NCOA3: variants seen among roughly 807,000 people sequenced by gnomAD.
NCOA3 encodes the protein nuclear receptor coactivator 3, also known as CBP-interacting protein.
NCOA3 carries 51 observed loss-of-function variants against 158.8 expected under a neutral mutation model. The observed-to-expected ratio is 0.32, with a 90% CI of 0.26 to 0.41. NCOA3 has a LOEUF of 0.41. Among genes scored for constraint, NCOA3 ranks in the 10% least tolerant of loss-of-function variants. NCOA3 has a pLI of 1.00. For synonymous variants in NCOA3, 537 were observed against 592.4 expected (o/e 0.91, Z 1.36); for missense variants, 1,510 against 1,746.6 (o/e 0.86, Z 2.41).
rs35311222 is a variant in NCOA3 at position 47,526,206 on chromosome 20, G to A, written c.-99+24187G>A. ...CTCCTCACTTCCCAGATGTGATGGCGGCCGGGAAGAGGCGCTCCTCACTTC... is the reference window on the plus strand; with the variant it reads ...CTCCTCACTTCCCAGATGTGATGGCAGCCGGGAAGAGGCGCTCCTCACTTC... On this transcript the variant is annotated intron_variant, in intron 1 of 22. Transcript: ENST00000371998. Among the ~76,000 whole-genome samples the A allele has an allele frequency of 2.8e-4, 42 of 151,592 alleles. No individual in the cohort carries two copies. The East Asian group carries it at 7.7e-3, about 28-fold the overall frequency.
chr20:47,555,632 GT>G (rs74178745), intron 1 of NCOA3, among the ~76,000 whole-genome samples: 5,461 of 64,672 alleles, frequency 0.084, 38 homozygotes, highest in African/African-American at 0.16. Flanking sequence ...CTATTAAAGT[GT>G]TTTTTTTTTT....
Position 47,651,101 on chromosome 20 carries a change from G to GCAGCAA in NCOA3, c.3776_3777insACAGCA (p.Gln1275_Gln1276dup). On this transcript the variant is annotated inframe_insertion, in exon 20 of 23. Transcript: ENST00000371998. The stretch of plus-strand genomic sequence containing the variant: ...AGCAGCAGCAGCAGCAACAGCAGCA[G>GCAGCAA]CAGCAGCAGCAGCAGCAGCAACAGC... 6.2e-7 allele frequency: 1 copy of GCAGCAA among 1,601,042 alleles called. No homozygotes were observed. Among genetic ancestry groups the GCAGCAA allele is most frequent in the South Asian group, 1.1e-5 (1 of 90,530 alleles).
chr20:47,516,878 C>T (rs1157753746), intron 1 of NCOA3, among the ~76,000 whole-genome samples: 2 of 147,414 alleles, frequency 1.4e-5, no homozygotes, highest in Admixed American at 6.8e-5. Context: ...GCCAAGATCA[C>T]GCCACTGCCC....
chr20:47,501,914 G>T lies in NCOA3; in HGVS notation c.-204G>T. 1 of 400,598 alleles carries T rather than the reference G, an allele frequency of 2.5e-6. No individual in the cohort carries two copies. Among genetic ancestry groups the T allele is most frequent in the Non-Finnish European group, 4.4e-6 (1 of 227,426 alleles). 24.8% of individuals were successfully genotyped at this position (400,598 alleles called of 1,614,324 possible). A position where few individuals can be genotyped will look rare whatever the true frequency, so the allele number is the denominator to read the frequency against. ...CTGCTGCTGTCTCAGCCGCTCCACA[G>T]CGACGGCAGCGGCTGCGGCTTAGTC... On this transcript the variant is annotated 5_prime_UTR_variant, in exon 1 of 23. Coordinates refer to ENST00000371998, the MANE Select transcript of NCOA3 (RefSeq NM_181659.3).
At chr20:47,578,280 G>C (rs1042027762) in intron 1 of NCOA3, among the ~76,000 whole-genome samples, 11 of 152,132 alleles carry the variant, frequency 7.2e-5, no homozygotes, top group African/African-American at 1.7e-4. Flanking sequence ...CTGCCTACGG[G>C]GTTCAAGCGA....
chr20:47,617,411 A>G (rs2086157089), intron 2 of NCOA3, among the ~76,000 whole-genome samples: 1 of 152,190 alleles, frequency 6.6e-6, no homozygotes, highest in African/African-American at 2.4e-5. Context: ...TTACTGTTCC[A>G]TGTTTCTTAC....
intron 1 of NCOA3, among the ~76,000 whole-genome samples, chr20:47,550,516 T>C (rs1017496808): frequency 3.3e-5 from 5 of 151,948 alleles, no homozygotes; most frequent in Admixed American, 6.6e-5. Flanking sequence ...TGTCAGAGTT[T>C]AACAAGTGAA....
intron 5 of NCOA3, among the ~76,000 whole-genome samples, chr20:47,625,928 T>C (rs1411817475): frequency 6.6e-6 from 1 of 152,146 alleles, no homozygotes; most frequent in Non-Finnish European, 1.5e-5. Context: ...GTATTATAAC[T>C]AATCTAGAGA....
intron 1 of NCOA3, among the ~76,000 whole-genome samples, chr20:47,550,542 G>A (rs975404822): frequency 2.0e-5 from 3 of 151,672 alleles, no homozygotes; most frequent in Admixed American, 6.6e-5. Flanking sequence ...CTCAATGACT[G>A]ATTAACAAAC....
Position 47,652,525 on chromosome 20 carries a change from A to G in NCOA3, c.4066A>G (p.Ile1356Val), listed in dbSNP as rs745677163. The change falls in exon 21 of 23, where the codon ATC becomes GTC. Residue 1356 changes from isoleucine to valine, a missense_variant. Coordinates refer to ENST00000371998, the MANE Select transcript of NCOA3 (RefSeq NM_181659.3). ...GATGCAACACCCGCAGGCTGCATCC[A>G]TCTATCAGTCCTCAGAAATGAAGGG... The part of the protein sequence containing the change: ...PMMQHPQAAS[I>V]YQSSEMKGWP... 11 of 1,614,024 alleles carry G rather than the reference A, an allele frequency of 6.8e-6. No individual in the cohort carries two copies. In the East Asian group the frequency reaches 1.3e-4, roughly 20 times the overall value.
At chr20:47,571,703 T>G (rs778236496) in intron 1 of NCOA3, among the ~76,000 whole-genome samples, 15 of 152,144 alleles carry the variant, frequency 9.9e-5, no homozygotes, top group Non-Finnish European at 2.2e-4. Flanking sequence ...CAGAATAGAT[T>G]CAGTGTAATT....
chr20:47,536,650 G>A (rs1373245519), intron 1 of NCOA3, among the ~76,000 whole-genome samples: 1 of 152,050 alleles, frequency 6.6e-6, no homozygotes, highest in Non-Finnish European at 1.5e-5. Context: ...TGTGCTTTGA[G>A]TTCTTATTTA....
At chr20:47,566,997 T>C (rs1231438666) in intron 1 of NCOA3, among the ~76,000 whole-genome samples, 1 of 148,594 alleles carries the variant, frequency 6.7e-6, no homozygotes, top group East Asian at 2.0e-4. Context: ...TACTAACAGT[T>C]TACATGGTAT....
At chr20:47,538,503 CCTT>C (rs1187201280) in intron 1 of NCOA3, among the ~76,000 whole-genome samples, 2 of 151,918 alleles carry the variant, frequency 1.3e-5, no homozygotes, top group African/African-American at 4.8e-5. Flanking sequence ...TTCTCTGCCT[CCTT>C]AAAGAAGTTT....
At chr20:47,569,889 AG>A (rs2085263997) in intron 1 of NCOA3, among the ~76,000 whole-genome samples, 1 of 152,002 alleles carries the variant, frequency 6.6e-6, no homozygotes, top group African/African-American at 2.4e-5. Flanking sequence ...GGGTGCCTGT[AG>A]TCCCAGCTAC....
At chr20:47,514,416 C>T (rs545661372) in intron 1 of NCOA3, among the ~76,000 whole-genome samples, 10 of 151,832 alleles carry the variant, frequency 6.6e-5, no homozygotes, top group South Asian at 6.2e-4. Context: ...TTTTTTGAGA[C>T]GGTCTCTGTT....
At chr20:47,597,479 G>C (rs1205431946) in intron 2 of NCOA3, among the ~76,000 whole-genome samples, 5 of 146,718 alleles carry the variant, frequency 3.4e-5, no homozygotes, top group Non-Finnish European at 7.5e-5. Context: ...ATTCTAACCT[G>C]TGCTTTTTTT....
chr20:47,568,207 T>C (rs1454099590), intron 1 of NCOA3, among the ~76,000 whole-genome samples: 2 of 152,216 alleles, frequency 1.3e-5, no homozygotes, highest in Non-Finnish European at 2.9e-5. Context: ...GAGGAATGCA[T>C]TGGGTACTTG....
rs572909502 is a variant in NCOA3, at chr20:47,653,612, C to A, written c.*195C>A. On this transcript the variant is annotated 3_prime_UTR_variant, in exon 23 of 23. Transcript: ENST00000371998. ...CGAAGGGCAATATCTACGTGTTTTT[C>A]CCCCCTCCTTCTGCTGTGTATCATG... 8 of 661,020 alleles carry A rather than the reference C, an allele frequency of 1.2e-5. No individual in the cohort carries two copies. In the East Asian group the frequency reaches 1.8e-4, roughly 15 times the overall value. 40.9% of individuals were successfully genotyped at this position (661,020 alleles called of 1,614,324 possible).
Sources: allele counts gnomAD v4.1 joint callset (sites outside exome capture counted in the v4.1 genomes callset), GRCh38; gene constraint gnomAD v4.1.1; transcripts MANE v1.5; gene names NCBI Gene and HGNC (gene_info 2026-07-23, HGNC 2026-07-21).